PARD3B: variants seen among roughly 807,000 people sequenced by gnomAD.
The protein encoded by PARD3B is par-3 family cell polarity regulator beta.
Under a neutral mutation model 130.2 loss-of-function variants are expected in PARD3B, and 103 were observed. That is an observed-to-expected ratio of 0.79 (90% CI 0.67 to 0.93). The LOEUF (loss-of-function observed/expected upper bound fraction) is 0.93. Among genes scored for constraint, PARD3B ranks in the 40% least tolerant of loss-of-function variants. The pLI is 0.00. For missense variants in PARD3B, 1,609 were observed against 1,499.2 expected (o/e 1.07, Z -1.21); for synonymous variants, 583 against 553.2 (o/e 1.05, Z -0.76).
intron 22 of PARD3B, among the ~76,000 whole-genome samples, chr2:205,586,684 A>G (rs191746590): frequency 7.9e-5 from 12 of 152,102 alleles, no homozygotes; most frequent in Admixed American, 6.5e-4. Context: ...AATTATTTGG[A>G]TTTCATAATT....
intron 21 of PARD3B, among the ~76,000 whole-genome samples, chr2:205,508,612 C>T (rs1453107137): frequency 6.6e-6 from 1 of 151,456 alleles, no homozygotes; most frequent in Non-Finnish European, 1.5e-5. Context: ...CCATAGACTC[C>T]TGCAGTTGGG....
intron 2 of PARD3B, among the ~76,000 whole-genome samples, chr2:204,885,678 A>G (rs1450151909): frequency 6.6e-6 from 1 of 152,194 alleles, no homozygotes; most frequent in African/African-American, 2.4e-5. Flanking sequence ...GGACATATAG[A>G]TTGGAAACAA....
At chr2:205,547,182 T>G (rs2052415671) in intron 21 of PARD3B, among the ~76,000 whole-genome samples, 1 of 152,200 alleles carries the variant, frequency 6.6e-6, no homozygotes, top group Non-Finnish European at 1.5e-5. Context: ...GTTTACATAT[T>G]TGAAAGTATT....
intron 20 of PARD3B, among the ~76,000 whole-genome samples, chr2:205,448,771 C>G (rs949404779): frequency 6.6e-6 from 1 of 152,136 alleles, no homozygotes; most frequent in Non-Finnish European, 1.5e-5. Flanking sequence ...CTGCTATTAT[C>G]TAGTCTGCAT....
At chr2:204,634,933 G>A (rs981388998) in intron 1 of PARD3B, among the ~76,000 whole-genome samples, 3 of 152,072 alleles carry the variant, frequency 2.0e-5, no homozygotes, top group Admixed American at 6.5e-5. Flanking sequence ...CCTATCCTGC[G>A]AGATAGGTTG....
At chr2:204,913,612 C>A (rs968439255) in intron 2 of PARD3B, among the ~76,000 whole-genome samples, 4 of 152,076 alleles carry the variant, frequency 2.6e-5, no homozygotes, top group Admixed American at 2.0e-4. Context: ...CATATCTTTG[C>A]AAAGCTGAGT....
At chr2:204,580,123 G>A (rs908170943) in intron 1 of PARD3B, among the ~76,000 whole-genome samples, 4 of 152,202 alleles carry the variant, frequency 2.6e-5, no homozygotes, top group African/African-American at 4.8e-5. Context: ...CTCTGGAGGA[G>A]AGCACAAACA....
rs368172311 is a variant in PARD3B at position 204,876,138 on chromosome 2, G to A, written c.223-89014G>A. On this transcript the variant is annotated intron_variant, in intron 2 of 22. Coordinates refer to ENST00000406610, the MANE Select transcript of PARD3B (RefSeq NM_001302769.2). ...GTGTATCCATCCTTGTAACAGTCAG[G>A]GAGTGGATTATCAATGGAAACGGAA... Among the ~76,000 whole-genome samples the A allele has an allele frequency of 2.6e-4, 40 of 152,284 alleles. 1 individual carries two copies. Among genetic ancestry groups the A allele is most frequent in the African/African-American group, 9.1e-4 (38 of 41,554 alleles).
At chr2:204,596,544 C>T (rs7557006) in intron 1 of PARD3B, among the ~76,000 whole-genome samples, 4,469 of 152,132 alleles carry the variant, frequency 0.029, 192 homozygotes, top group East Asian at 0.13. Flanking sequence ...GATTGTTTAC[C>T]TTGTAGAAAA....
chr2:205,171,743 C>T (rs2035184754), intron 11 of PARD3B, among the ~76,000 whole-genome samples: 1 of 152,044 alleles, frequency 6.6e-6, no homozygotes, highest in Non-Finnish European at 1.5e-5. Flanking sequence ...GCAATGATAT[C>T]AGGAGATACA....
At chr2:204,811,470 G>T (rs916089411) in intron 2 of PARD3B, among the ~76,000 whole-genome samples, 2 of 152,132 alleles carry the variant, frequency 1.3e-5, no homozygotes, top group Non-Finnish European at 2.9e-5. Flanking sequence ...GAAAGACATA[G>T]AAGTTGACAT....
At chr2:204,580,357 T>C (rs1002774686) in intron 1 of PARD3B, among the ~76,000 whole-genome samples, 6 of 152,156 alleles carry the variant, frequency 3.9e-5, no homozygotes, top group South Asian at 2.1e-4. Context: ...ACCCAGGCCT[T>C]CTTTCTGGGA....
chr2:205,178,433 G>T (rs1305943754), intron 13 of PARD3B, among the ~76,000 whole-genome samples: 2 of 152,076 alleles, frequency 1.3e-5, no homozygotes, highest in Non-Finnish European at 2.9e-5. Flanking sequence ...GGGCGACAGA[G>T]CAAGGAGACT....
intron 4 of PARD3B, among the ~76,000 whole-genome samples, chr2:205,074,447 C>A (rs143994555): frequency 6.6e-6 from 1 of 152,094 alleles, no homozygotes; most frequent in Non-Finnish European, 1.5e-5. Flanking sequence ...GTTTATGGAA[C>A]GACTTCAGAA....
chr2:205,054,432 A>T (rs1261689221), intron 4 of PARD3B, among the ~76,000 whole-genome samples: 1,809 of 30,558 alleles, frequency 0.059, 60 homozygotes, highest in African/African-American at 0.11. Context: ...ATATATATAT[A>T]TATATTTTTT....
chr2:205,383,125 T>TAGATAGATAGATAGAGAGATAGAG (rs2045533911), intron 18 of PARD3B, among the ~76,000 whole-genome samples: 1 of 149,288 alleles, frequency 6.7e-6, no homozygotes, highest in Non-Finnish European at 1.5e-5. Context: ...GATAGATAGA[T>TAGATAGATAGATAGAGAGATAGAG]AGATAGATAG....
chr2:205,542,354 T>TTGTGTGTGTGTGTGTGTGTG (rs143438143), intron 21 of PARD3B, among the ~76,000 whole-genome samples: 51 of 145,198 alleles, frequency 3.5e-4, no homozygotes, highest in African/African-American at 1.1e-3. Flanking sequence ...TAGTTTGTGT[T>TTGTGTGTGTGTGTGTGTGTG]TGTGTGTGTG....
chr2:205,428,020 C>T (rs750640439), intron 19 of PARD3B, among the ~76,000 whole-genome samples: 70 of 152,182 alleles, frequency 4.6e-4, no homozygotes, highest in South Asian at 1.9e-3. Context: ...TAATCATCAG[C>T]GTGATAGTAT....
intron 2 of PARD3B, among the ~76,000 whole-genome samples, chr2:204,817,988 T>TG (rs1487341499): frequency 6.6e-6 from 1 of 152,144 alleles, no homozygotes; most frequent in African/African-American, 2.4e-5. Flanking sequence ...AAAGTTTACT[T>TG]GGAGTATTTC....
Sources: gnomAD v4.1 joint callset for allele counts (sites outside exome capture counted in the v4.1 genomes callset) on GRCh38, gnomAD v4.1.1 for gene constraint, MANE v1.5 for transcripts, NCBI Gene and HGNC (gene_info 2026-07-23, HGNC 2026-07-21) for gene names.